Variants in ATRNL1 observed in about 807,000 individuals in gnomAD.
ATRNL1 encodes the protein attractin like 1, also known as attractin-like protein 1.
ATRNL1 carries 95 observed loss-of-function variants against 182.7 expected under a neutral mutation model. That is an observed-to-expected ratio of 0.52 (90% CI 0.44 to 0.62). ATRNL1 has a LOEUF of 0.62. Ranked by LOEUF, ATRNL1 falls within the 20% of genes least tolerant of loss-of-function variation. ATRNL1 has a pLI of 0.00. For missense variants in ATRNL1, 1,471 were observed against 1,679.5 expected, an observed-to-expected ratio of 0.88 and a Z score of 2.17; for synonymous variants, 576 against 568.3, an observed-to-expected ratio of 1.01 and a Z score of -0.19.
chr10:115,555,300 A>G (rs1853248851), intron 26 of ATRNL1, among the ~76,000 whole-genome samples: 1 of 151,834 alleles, frequency 6.6e-6, no homozygotes, highest in African/African-American at 2.4e-5. Flanking sequence ...TACTCCGTAT[A>G]TTATCTATCA....
chr10:115,313,966 A>G (rs1554928774), intron 17 of ATRNL1, among the ~76,000 whole-genome samples: 1 of 152,218 alleles, frequency 6.6e-6, no homozygotes, highest in African/African-American at 2.4e-5. Context: ...GCTAACTGTA[A>G]TCATAGATAT....
chr10:115,568,977 G>A (rs557495756), intron 26 of ATRNL1, among the ~76,000 whole-genome samples: 8 of 151,234 alleles, frequency 5.3e-5, no homozygotes, highest in South Asian at 4.2e-4. Flanking sequence ...TCTGTATTTC[G>A]TTAAACCTGA....
intron 19 of ATRNL1, among the ~76,000 whole-genome samples, chr10:115,351,197 A>G (rs1019450158): frequency 6.6e-6 from 1 of 152,074 alleles, no homozygotes. Context: ...GTAAACAAGG[A>G]TAATTTTACT....
At chr10:115,905,125 CTAAAG>C (rs1952462360) in intron 28 of ATRNL1, among the ~76,000 whole-genome samples, 2 of 152,284 alleles carry the variant, frequency 1.3e-5, no homozygotes, top group Admixed American at 1.3e-4. Context: ...TCCCCAGCTA[CTAAAG>C]TAATTAGTCT....
intron 1 of ATRNL1, among the ~76,000 whole-genome samples, chr10:115,095,608 C>G (rs923368547): frequency 4.0e-5 from 6 of 151,776 alleles, no homozygotes; most frequent in African/African-American, 9.7e-5. Context: ...TTTAAAAATA[C>G]TTTTTAAAAA....
intron 24 of ATRNL1, among the ~76,000 whole-genome samples, chr10:115,493,360 T>G (rs537733424): frequency 1.3e-5 from 2 of 152,208 alleles, no homozygotes; most frequent in Non-Finnish European, 2.9e-5. Flanking sequence ...AGTGAGAACA[T>G]GCAATATTTG....
chr10:115,428,490 A>G (rs1318106702), intron 21 of ATRNL1, among the ~76,000 whole-genome samples: 1 of 152,084 alleles, frequency 6.6e-6, no homozygotes, highest in Non-Finnish European at 1.5e-5. Flanking sequence ...GAAAGCATTC[A>G]GTCTTTTATC....
intron 27 of ATRNL1, among the ~76,000 whole-genome samples, chr10:115,800,598 G>T (rs2134234043): frequency 6.6e-6 from 1 of 152,272 alleles, no homozygotes; most frequent in East Asian, 1.9e-4. Context: ...TCCTGCACCA[G>T]AGGCTCCTAC....
At chr10:115,492,102 G>A (rs1472148757) in intron 24 of ATRNL1, among the ~76,000 whole-genome samples, 3 of 152,086 alleles carry the variant, frequency 2.0e-5, no homozygotes, top group Admixed American at 2.0e-4. Flanking sequence ...TGAGATGAAC[G>A]GTGTACTTCA....
chr10:115,223,913 G>GTGTATATATATATATATATA (rs71476115), intron 9 of ATRNL1, among the ~76,000 whole-genome samples: 4 of 55,940 alleles, frequency 7.2e-5, no homozygotes, highest in African/African-American at 3.3e-4. Context: ...GTGTGTGTGT[G>GTGTATATATATATATATATA]TATATATATA....
intron 25 of ATRNL1, among the ~76,000 whole-genome samples, chr10:115,535,566 G>T (rs1554989952): frequency 6.6e-6 from 1 of 152,114 alleles, no homozygotes; most frequent in East Asian, 1.9e-4. Flanking sequence ...TCCTCCTGTA[G>T]CTCGGAGCAG....
chr10:115,745,808 G>GT (rs1948275791), intron 27 of ATRNL1, among the ~76,000 whole-genome samples: 1 of 152,048 alleles, frequency 6.6e-6, no homozygotes, highest in Non-Finnish European at 1.5e-5. Context: ...CCATTTATAG[G>GT]TATGCATATC....
intron 1 of ATRNL1, among the ~76,000 whole-genome samples, chr10:115,107,414 T>G (rs1356027636): frequency 6.6e-6 from 1 of 152,222 alleles, no homozygotes; most frequent in Non-Finnish European, 1.5e-5. Flanking sequence ...GAATAATCTT[T>G]TTTGACTTTA....
At chr10:115,155,782 G>A (rs1352032865) in intron 5 of ATRNL1, among the ~76,000 whole-genome samples, 1 of 152,074 alleles carries the variant, frequency 6.6e-6, no homozygotes, top group African/African-American at 2.4e-5. Context: ...TAATCATTCT[G>A]GTTGCATTCT....
chr10:115,388,036 A>G (rs1476128443), intron 19 of ATRNL1, among the ~76,000 whole-genome samples: 1 of 152,172 alleles, frequency 6.6e-6, no homozygotes, highest in Non-Finnish European at 1.5e-5. Flanking sequence ...GACATAATGC[A>G]TGATTATGTT....
intron 28 of ATRNL1, among the ~76,000 whole-genome samples, chr10:115,862,668 A>T (rs189604685): frequency 6.6e-5 from 10 of 152,282 alleles, no homozygotes; most frequent in African/African-American, 2.4e-4. Context: ...CTACACTTGT[A>T]CTCTTTTGAC....
intron 24 of ATRNL1, among the ~76,000 whole-genome samples, chr10:115,482,037 G>A (rs17802247): frequency 0.16 from 24,709 of 150,794 alleles, 2,555 homozygotes; most frequent in South Asian, 0.24. Flanking sequence ...TCAGAAGGCA[G>A]TATATTTACA....
At chr10:115,372,659 CT>C (rs1857458011) in intron 19 of ATRNL1, among the ~76,000 whole-genome samples, 1 of 152,082 alleles carries the variant, frequency 6.6e-6, no homozygotes, top group Non-Finnish European at 1.5e-5. Context: ...TTCTTGCCAC[CT>C]TTGTTGAAGA....
intron 26 of ATRNL1, among the ~76,000 whole-genome samples, chr10:115,598,725 G>A (rs1373424040): frequency 6.6e-6 from 1 of 151,928 alleles, no homozygotes; most frequent in Non-Finnish European, 1.5e-5. Flanking sequence ...GAGAAGAGTG[G>A]CTTTGTTTCA....
Sources: allele counts gnomAD v4.1 joint callset (sites outside exome capture counted in the v4.1 genomes callset), GRCh38; gene constraint gnomAD v4.1.1; transcripts MANE v1.5; gene names NCBI Gene and HGNC (gene_info 2026-07-23, HGNC 2026-07-21).